GRM5: variants seen among roughly 807,000 people sequenced by gnomAD.
GRM5 encodes the protein metabotropic glutamate receptor 5.
In GRM5, 19 loss-of-function variants were observed where a neutral mutation model predicts 83.1. That is an observed-to-expected ratio of 0.23 (90% CI 0.16 to 0.34). The LOEUF is 0.34. GRM5 is among the 10% of genes least tolerant of loss of function. GRM5 has a pLI of 1.00. For synonymous variants in GRM5, 675 were observed against 633.6 expected, an observed-to-expected ratio of 1.07 and a Z score of -0.98; for missense variants, 1,160 against 1,588.3, an observed-to-expected ratio of 0.73 and a Z score of 4.58.
At chr11:88,801,853 A>C (rs540361062) in intron 3 of GRM5, among the ~76,000 whole-genome samples, 1 of 152,272 alleles carries the variant, frequency 6.6e-6, no homozygotes, top group South Asian at 2.1e-4. Flanking sequence ...TATAACCTCT[A>C]TGAGGAGAAA....
intron 2 of GRM5, among the ~76,000 whole-genome samples, chr11:88,970,784 T>C (rs1939143917): frequency 6.6e-6 from 1 of 152,208 alleles, no homozygotes; most frequent in Non-Finnish European, 1.5e-5. Flanking sequence ...TTGTACACAA[T>C]ATGTAGGCAG....
At chr11:88,898,554 A>G (rs60854474) in intron 2 of GRM5, among the ~76,000 whole-genome samples, 30 of 152,096 alleles carry the variant, frequency 2.0e-4, no homozygotes, top group African/African-American at 6.7e-4. Context: ...ATGGAAAACC[A>G]ACTAGTATAG....
intron 3 of GRM5, among the ~76,000 whole-genome samples, chr11:88,817,761 C>CA (rs1943717299): frequency 6.6e-6 from 1 of 151,902 alleles, no homozygotes; most frequent in Admixed American, 6.6e-5. Context: ...CTGTTTCCTA[C>CA]AAAAATGTGA....
intron 3 of GRM5, among the ~76,000 whole-genome samples, chr11:88,672,779 A>C (rs2135334549): frequency 6.6e-6 from 1 of 152,148 alleles, no homozygotes; most frequent in East Asian, 1.9e-4. Context: ...ATTGCTAATA[A>C]CTGGAAAAAC....
chr11:88,986,568 T>A (rs1269419922), intron 2 of GRM5, among the ~76,000 whole-genome samples: 1 of 152,102 alleles, frequency 6.6e-6, no homozygotes, highest in African/African-American at 2.4e-5. Flanking sequence ...TGCTACTAAG[T>A]TGTATGGGTC....
intron 2 of GRM5, among the ~76,000 whole-genome samples, chr11:88,943,410 T>C (rs1240846627): frequency 1.3e-5 from 2 of 152,086 alleles, no homozygotes; most frequent in African/African-American, 4.8e-5. Context: ...TTCTTCTACA[T>C]AGAAATGCTC....
intron 4 of GRM5, among the ~76,000 whole-genome samples, chr11:88,613,602 G>A (rs993965718): frequency 6.6e-6 from 1 of 152,112 alleles, no homozygotes; most frequent in African/African-American, 2.4e-5. Flanking sequence ...GTCTCCTGAA[G>A]TTAGCAGACA....
rs577441913 is a variant in GRM5 at position 88,881,546 on chromosome 11, AT to A, written c.662-31392del. ...TATATGGAATAGCAAGCAAGCACGT[AT>A]TTATTTTCTCTTCACTAGAAGAAAA... On this transcript the variant is annotated intron_variant, in intron 2 of 9. Coordinates refer to ENST00000305447, the MANE Select transcript of GRM5 (RefSeq NM_001143831.3). Among the ~76,000 whole-genome samples, 12 of 152,316 alleles carry A rather than the reference AT, an allele frequency of 7.9e-5. 1 individual carries two copies. In the South Asian group the frequency reaches 2.5e-3, roughly 32 times the overall value.
intron 8 of GRM5, among the ~76,000 whole-genome samples, chr11:88,546,205 A>G (rs560837006): frequency 9.9e-4 from 150 of 152,082 alleles, no homozygotes; most frequent in Admixed American, 1.5e-3. Flanking sequence ...AATTAGTCCC[A>G]AATCAATTTC....
chr11:88,662,237 A>G (rs193108290), intron 3 of GRM5, among the ~76,000 whole-genome samples: 1 of 152,304 alleles, frequency 6.6e-6, no homozygotes, highest in Admixed American at 6.5e-5. Flanking sequence ...GAGGGATTAA[A>G]TAACCTACTC....
chr11:88,590,684 G>A lies in GRM5; in HGVS notation c.1607C>T (p.Pro536Leu). ...GEVSCCWTCT[P>L]CKENEYVFDE... Reference sequence around the variant, plus strand: ...AAAGACATACTCATTCTCCTTACAAGGTGTACAGGTCCAACAACAGCTGAC... The same window carrying A: ...AAAGACATACTCATTCTCCTTACAAAGTGTACAGGTCCAACAACAGCTGAC... The change falls in exon 7 of 10, where the codon CCT (proline) becomes CTT (leucine). Residue 536 changes from proline to leucine, a missense_variant. This residue lies in a region of GRM5 where 132 missense variants were observed against 245.5 expected (regional missense o/e 0.54). Coordinates refer to ENST00000305447, the MANE Select transcript of GRM5 (RefSeq NM_001143831.3). 6.2e-7 allele frequency: 1 copy of A among 1,608,542 alleles called. No homozygotes were observed.
chr11:89,033,193 C>T (rs1403227002), intron 2 of GRM5, among the ~76,000 whole-genome samples: 1 of 151,970 alleles, frequency 6.6e-6, no homozygotes, highest in Non-Finnish European at 1.5e-5. Context: ...GCAGGTACAG[C>T]CATCTGTCAT....
chr11:88,604,766 A>T lies in GRM5; in HGVS notation c.1346T>A (p.Val449Asp). The T allele has an allele frequency of 6.2e-7, 1 of 1,612,524 alleles. No homozygotes were observed. The highest frequency in any genetic ancestry group is 8.5e-7 in the Non-Finnish European group (1 of 1,178,652). Residue 449 changes from valine to aspartate, a missense_variant, in exon 5 of 10, where the codon GTT becomes GAT. Physicochemically the swap from Val to Asp is radical, Grantham distance 152 (BLOSUM62 -3). Transcript: ENST00000305447. ...ESLMKTNFTG[V>D]SGDTILFDEN... The stretch of plus-strand genomic sequence containing the variant: ...ATCGAATAGGATCGTATCTCCAGAA[A>T]CCCCAGTAAAATTGGTTTTCATCAG...
intron 2 of GRM5, among the ~76,000 whole-genome samples, chr11:88,901,380 T>C (rs1001396484): frequency 2.6e-5 from 4 of 152,304 alleles, no homozygotes; most frequent in East Asian, 1.9e-4. Context: ...AAATCTGAGA[T>C]AATTGTAAGC....
chr11:88,575,204 T>C (rs1453103398), intron 7 of GRM5, among the ~76,000 whole-genome samples: 1 of 152,176 alleles, frequency 6.6e-6, no homozygotes, highest in Non-Finnish European at 1.5e-5. Context: ...TTCCTCTTTA[T>C]GTCAGTATCA....
chr11:88,688,647 C>A (rs969472164), intron 3 of GRM5, among the ~76,000 whole-genome samples: 6 of 152,100 alleles, frequency 3.9e-5, no homozygotes, highest in African/African-American at 1.4e-4. Flanking sequence ...GTTATATAGA[C>A]AAGTTCCAAA....
intron 6 of GRM5, among the ~76,000 whole-genome samples, chr11:88,591,048 A>G (rs1433197587): frequency 1.3e-5 from 2 of 152,160 alleles, no homozygotes; most frequent in African/African-American, 2.4e-5. Context: ...CACATAACTG[A>G]ATTCACCCCA....
At chr11:88,715,562 T>C (rs1941382836) in intron 3 of GRM5, among the ~76,000 whole-genome samples, 1 of 151,986 alleles carries the variant, frequency 6.6e-6, no homozygotes. Flanking sequence ...ATCAGTAGAA[T>C]AGAGATAGAT....
At chr11:88,856,439 G>T (rs544849965) in intron 2 of GRM5, among the ~76,000 whole-genome samples, 12 of 152,098 alleles carry the variant, frequency 7.9e-5, no homozygotes, top group African/African-American at 2.6e-4. Flanking sequence ...AAGGCCTTTA[G>T]GGGCAATAAC....
Sources: gnomAD v4.1 joint callset for allele counts (sites outside exome capture counted in the v4.1 genomes callset) on GRCh38, gnomAD v4.1.1 for gene constraint, gnomAD v4.1.1 regional missense constraint, MANE v1.5 for transcripts, NCBI Gene and HGNC (gene_info 2026-07-23, HGNC 2026-07-21) for gene names.